Variants in MGAT5B observed in about 807,000 individuals in gnomAD.
MGAT5B encodes the protein alpha-1,6-mannosylglycoprotein 6-beta-N-acetylglucosaminyltransferase B.
MGAT5B carries 54 observed loss-of-function variants against 95.1 expected under a neutral mutation model. The observed-to-expected ratio is 0.57, with a 90% CI of 0.46 to 0.71. The LOEUF (loss-of-function observed/expected upper bound fraction) is 0.71, where lower values mean the gene tolerates loss of function less well. MGAT5B is among the 30% of genes least tolerant of loss of function. The pLI, the probability that MGAT5B is intolerant of heterozygous loss-of-function variation, is 0.00. For synonymous variants in MGAT5B, 464 were observed against 451.0 expected, an observed-to-expected ratio of 1.03 and a Z score of -0.36; for missense variants, 935 against 1,088.6, an observed-to-expected ratio of 0.86 and a Z score of 1.99.
At chr17:76,944,230 G>A (rs8074682) in intron 15 of MGAT5B, 56,386 of 150,044 alleles carry the variant, frequency 0.38, 10,752 homozygotes, top group East Asian at 0.56. Context: ...CAGGAGATTC[G>A]TGGCAGGCGG....
intron 4 of MGAT5B, 107 bp downstream of exon 4, chr17:76,902,777 T>A: frequency 1.1e-6 from 1 of 874,496 alleles, no homozygotes; most frequent in South Asian, 1.7e-5. Context: ...CGACTTCTCC[T>A]GACAGCAGCT....
intron 3 of MGAT5B, 31 bp downstream of exon 3, chr17:76,882,329 G>A (rs1303329140): frequency 1.3e-6 from 2 of 1,544,886 alleles, no homozygotes; most frequent in Non-Finnish European, 1.7e-6. Flanking sequence ...GGCACACGGA[G>A]CAGGGGAGCG....
In MGAT5B at chr17:76,925,097, G is replaced by A. The variant is rs757804904; in HGVS notation, c.1157G>A (p.Arg386Gln). The A allele has an allele frequency of 1.1e-5, 17 of 1,610,692 alleles. No individual in the cohort carries two copies. The highest frequency in any genetic ancestry group is 1.3e-5 in the Non-Finnish European group (15 of 1,179,206). The change falls in exon 9 of 18, where the codon CGG becomes CAG. Residue 386 changes from arginine (R) to glutamine (Q), a missense_variant and splice_region_variant. Arg to Gln is a conservative substitution (Grantham distance 43, BLOSUM62 1). Coordinates refer to ENST00000569840, the MANE Select transcript of MGAT5B (RefSeq NM_001199172.2). Reference sequence around the variant, plus strand: ...ATGGGACTCTCCTTCAAGAAGTACCGGTGAGAGGGCGGCCAGAGGGTGGGC... The same window carrying A: ...ATGGGACTCTCCTTCAAGAAGTACCAGTGAGAGGGCGGCCAGAGGGTGGGC... ...RHMGLSFKKYRCRIRVIDTFG... is the reference protein window; with the variant it reads ...RHMGLSFKKYQCRIRVIDTFG...
Position 76,925,060 on chromosome 17 carries a change from A to G in MGAT5B, c.1120A>G (p.Met374Val). 1 of 1,611,476 alleles carries G rather than the reference A, an allele frequency of 6.2e-7. No homozygotes were observed. Among genetic ancestry groups the G allele is most frequent in the Non-Finnish European group, 8.5e-7 (1 of 1,179,330 alleles). Residue 374 changes from methionine to valine, a missense_variant, in exon 9 of 18, where the codon ATG (methionine) becomes GTG (valine). Met to Val is a conservative substitution (Grantham distance 21). This residue lies in a region of MGAT5B where 243 missense variants were observed against 305.5 expected (regional missense o/e 0.80). Transcript: ENST00000569840. ...CACCGACTACCACGGCCTGCAGCAGATGAAGCGGCACATGGGACTCTCCTT... is the reference window on the plus strand; with the variant it reads ...CACCGACTACCACGGCCTGCAGCAGGTGAAGCGGCACATGGGACTCTCCTT... ...IYTDYHGLQQ[M>V]KRHMGLSFKK...
intron 10 of MGAT5B, among the ~76,000 whole-genome samples, chr17:76,929,583 C>A (rs1567819244): frequency 6.6e-6 from 1 of 152,196 alleles, no homozygotes; most frequent in East Asian, 1.9e-4. Flanking sequence ...TGGTTTATCT[C>A]AATCTCTCTG....
In MGAT5B at chr17:76,946,412, GGGATGCTGGAGC is replaced by G; in HGVS notation, c.1890_1901del (p.Met630_Arg633del). On this transcript the variant is annotated inframe_deletion, in exon 16 of 18. Coordinates refer to ENST00000569840, the MANE Select transcript of MGAT5B (RefSeq NM_001199172.2). ...CCTACCCTACGAGTACACCTGCGAG[GGGATGCTGGAGC>G]GGATCCACGCCTACATCCAGCACCA... 1 of 1,606,626 alleles carries G rather than the reference GGGATGCTGGAGC, an allele frequency of 6.2e-7. No homozygotes were observed. Among genetic ancestry groups the G allele is most frequent in the South Asian group, 1.1e-5 (1 of 90,120 alleles).
Position 76,882,269 on chromosome 17 carries a change from C to T in MGAT5B, c.300C>T (p.Ala100=), listed in dbSNP as rs747042398. The change falls in exon 3 of 18, where the codon GCC becomes GCT. Residue 100 remains alanine (A), a synonymous_variant. Transcript: ENST00000569840. ...RLENSSELHR[A]GGDLHFPADR... is the part of the protein sequence containing the mutation. ...AGAACAGCAGTGAGCTGCACCGGGC[C>T]GGCGGCGACCTGCACTTTCCCGCAG... 27 of 1,612,754 alleles carry T rather than the reference C, an allele frequency of 1.7e-5. No homozygotes were observed. Among genetic ancestry groups the T allele is most frequent in the African/African-American group, 4.0e-5 (3 of 74,926 alleles).
chr17:76,902,595 A>C lies in MGAT5B; in HGVS notation c.370A>C (p.Ile124Leu), dbSNP rs760791558. 6.2e-7 allele frequency: 1 copy of C among 1,603,376 alleles called. No individual in the cohort carries two copies. Among genetic ancestry groups the C allele is most frequent in the Non-Finnish European group, 8.5e-7 (1 of 1,174,758 alleles). ...GAGLMERIQA[I>L]AQNVSDIAVK... ...CGGCCTCATGGAGCGGATCCAGGCT[A>C]TTGCCCAGAACGTCTCCGACATCGC... Residue 124 changes from isoleucine to leucine, a missense_variant, in exon 4 of 18, where the codon ATT becomes CTT. Transcript: ENST00000569840.
intron 3 of MGAT5B, among the ~76,000 whole-genome samples, chr17:76,890,422 T>C (rs1967822332): frequency 6.6e-6 from 1 of 152,254 alleles, no homozygotes; most frequent in Non-Finnish European, 1.5e-5. Flanking sequence ...TAGGTATACC[T>C]GTAACTACCT....
intron 3 of MGAT5B, among the ~76,000 whole-genome samples, chr17:76,902,003 T>C: frequency 6.6e-6 from 1 of 152,182 alleles, no homozygotes; most frequent in Non-Finnish European, 1.5e-5. Flanking sequence ...TGGGCACACA[T>C]GCAGATGTGG....
At chr17:76,936,194 G>A (rs1464332789) in intron 12 of MGAT5B, among the ~76,000 whole-genome samples, 2 of 151,980 alleles carry the variant, frequency 1.3e-5, no homozygotes, top group African/African-American at 4.8e-5. Flanking sequence ...GGATCCCGAG[G>A]TCAGGAGATT....
In MGAT5B at chr17:76,916,233, T is replaced by C. The variant is rs906241852; in HGVS notation, c.1026-8733T>C. On this transcript the variant is annotated intron_variant, in intron 8 of 17. Coordinates refer to ENST00000569840, the MANE Select transcript of MGAT5B (RefSeq NM_001199172.2). This position sits in a 1 kb window ranked among gnomAD's most constrained non-coding sequence, Gnocchi z 5.3. The stretch of plus-strand genomic sequence containing the variant: ...CTCGGGATCCAGGAGAGACCCTTCC[T>C]TGCAAGGGCCTCGCCTCCCCTCATG... Among the ~76,000 whole-genome samples, 7 of 152,186 alleles carry C rather than the reference T, an allele frequency of 4.6e-5. No homozygotes were observed. Among genetic ancestry groups the C allele is most frequent in the African/African-American group, 1.7e-4 (7 of 41,430 alleles).
intron 3 of MGAT5B, among the ~76,000 whole-genome samples, chr17:76,894,660 G>C (rs4789369): frequency 0.38 from 57,274 of 151,676 alleles, 12,255 homozygotes; most frequent in East Asian, 0.59. Context: ...TCAAGACCAG[G>C]CTGGCCAAGA....
At chr17:76,929,439 A>G (rs7215153) in intron 10 of MGAT5B, among the ~76,000 whole-genome samples, 62,734 of 152,034 alleles carry the variant, frequency 0.41, 13,418 homozygotes, top group Admixed American at 0.51. Flanking sequence ...GGCAGAATGT[A>G]TTGCCTCTTT....
At chr17:76,927,309 G>A (rs566248343) in intron 10 of MGAT5B, among the ~76,000 whole-genome samples, 11 of 151,886 alleles carry the variant, frequency 7.2e-5, no homozygotes, top group Admixed American at 3.3e-4. Context: ...TGATCTCCTC[G>A]GCTCACTGCA....
intron 3 of MGAT5B, among the ~76,000 whole-genome samples, chr17:76,892,913 C>T (rs1247159404): frequency 6.6e-6 from 1 of 152,142 alleles, no homozygotes; most frequent in Non-Finnish European, 1.5e-5. Flanking sequence ...GAAGCACAGA[C>T]TCCTGGGGGT....
intron 3 of MGAT5B, among the ~76,000 whole-genome samples, chr17:76,897,889 CTA>C (rs1968154810): frequency 2.0e-5 from 3 of 151,512 alleles, no homozygotes; most frequent in African/African-American, 7.3e-5. Flanking sequence ...AACCCTGTCT[CTA>C]CTAAAAATAC....
At chr17:76,907,069 T>A (rs1235834462) in intron 8 of MGAT5B, among the ~76,000 whole-genome samples, 7 of 151,878 alleles carry the variant, frequency 4.6e-5, no homozygotes, top group African/African-American at 1.7e-4. Context: ...TTTTTTTTTT[T>A]TAATGGAGTT....
At chr17:76,939,029 G>GGTGGGTGTGT (rs1555600424) in intron 13 of MGAT5B, among the ~76,000 whole-genome samples, 1 of 128,190 alleles carries the variant, frequency 7.8e-6, no homozygotes, top group African/African-American at 3.1e-5. Flanking sequence ...GCATCTTGGG[G>GGTGGGTGTGT]GTGTGTGTGT....
Sources: allele counts gnomAD v4.1 joint callset (sites outside exome capture counted in the v4.1 genomes callset), GRCh38; gene constraint gnomAD v4.1.1; regional missense constraint gnomAD v4.1.1; non-coding constraint Gnocchi (gnomAD v3.1); transcripts MANE v1.5; gene names NCBI Gene and HGNC (gene_info 2026-07-23, HGNC 2026-07-21).